The following NRG3 variants were observed in gnomAD, a reference collection of about 807,000 sequenced individuals.
The protein encoded by NRG3 is pro-neuregulin-3, membrane-bound isoform.
In NRG3, 31 loss-of-function variants were observed where a neutral mutation model predicts 66.9. The ratio of observed to expected loss-of-function variants is 0.46; its 90% confidence interval spans 0.35 to 0.63. NRG3 has a LOEUF of 0.63. Ranked by LOEUF, NRG3 falls within the 20% of genes least tolerant of loss-of-function variation. NRG3 has a pLI of 0.00. For synonymous variants in NRG3, 393 were observed against 359.4 expected (o/e 1.09, Z -1.06); for missense variants, 910 against 878.9 (o/e 1.04, Z -0.45).
At chr10:82,552,541 T>C (rs1037312915) in intron 2 of NRG3, among the ~76,000 whole-genome samples, 2 of 152,128 alleles carry the variant, frequency 1.3e-5, no homozygotes, top group African/African-American at 4.8e-5. Context: ...CTCCCAGAAG[T>C]CCTCAAAGTA....
At chr10:82,984,709 A>C in intron 8 of NRG3, 1 of 1,475,086 alleles carries the variant, frequency 6.8e-7, no homozygotes, top group Non-Finnish European at 9.3e-7. Context: ...GACTAATGCC[A>C]TTATGGGTGT....
chr10:82,896,425 C>G (rs1843668428), intron 4 of NRG3, among the ~76,000 whole-genome samples: 1 of 152,166 alleles, frequency 6.6e-6, no homozygotes, highest in African/African-American at 2.4e-5. Context: ...TCTGTAGAAT[C>G]TTTCCTGTGC....
chr10:82,107,341 G>C lies in NRG3; in HGVS notation c.823+231178G>C, dbSNP rs147475185. ...GAAAATGTAGCAACATGCTAAGGAA[G>C]TCATAAATAGGATAAATAAGATTTA... On this transcript the variant is annotated intron_variant, in intron 1 of 8. Coordinates refer to ENST00000372141, the MANE Select transcript of NRG3 (RefSeq NM_001010848.4). 2.3e-3 allele frequency among the ~76,000 whole-genome samples: 345 copies of C among 152,282 alleles called. 2 individuals carry two copies. The highest frequency in any genetic ancestry group is 8.0e-3 in the African/African-American group (334 of 41,560).
chr10:82,292,299 TAAAAAA>T (rs1175634812), intron 1 of NRG3, among the ~76,000 whole-genome samples: 1 of 150,474 alleles, frequency 6.6e-6, no homozygotes, highest in Non-Finnish European at 1.5e-5. Context: ...TGGCTAAAGT[TAAAAAA>T]AAAGAAAAAA....
At chr10:82,337,879 G>C (rs932468383) in intron 1 of NRG3, among the ~76,000 whole-genome samples, 2 of 152,062 alleles carry the variant, frequency 1.3e-5, no homozygotes, top group Admixed American at 1.3e-4. Flanking sequence ...TCATAAAAAT[G>C]AATAATAAGT....
chr10:81,930,693 G>A (rs1286616551), intron 1 of NRG3, among the ~76,000 whole-genome samples: 1 of 152,180 alleles, frequency 6.6e-6, no homozygotes, highest in African/African-American at 2.4e-5. Flanking sequence ...AAAGTGACAG[G>A]TGGGTTTTAT....
intron 1 of NRG3, among the ~76,000 whole-genome samples, chr10:82,266,647 C>A (rs1434712211): frequency 1.3e-5 from 2 of 152,140 alleles, no homozygotes; most frequent in African/African-American, 4.8e-5. Context: ...ACGGTCCAAG[C>A]TGGATGATGT....
intron 2 of NRG3, among the ~76,000 whole-genome samples, chr10:82,522,075 T>C (rs1330980395): frequency 1.4e-5 from 2 of 141,054 alleles, no homozygotes; most frequent in African/African-American, 2.6e-5. Flanking sequence ...ACAGAGTCTC[T>C]CTCTTTAGCC....
intron 1 of NRG3, among the ~76,000 whole-genome samples, chr10:82,194,009 A>G (rs1589271560): frequency 6.6e-6 from 1 of 152,164 alleles, no homozygotes. Context: ...AAAATTGAGT[A>G]ATAGCTGCTA....
At chr10:82,212,764 C>A (rs1387887504) in intron 1 of NRG3, among the ~76,000 whole-genome samples, 1 of 152,106 alleles carries the variant, frequency 6.6e-6, no homozygotes, top group African/African-American at 2.4e-5. Flanking sequence ...TGCCATTTAT[C>A]TATTTAGTAT....
At chr10:82,496,885 A>G (rs938016857) in intron 2 of NRG3, among the ~76,000 whole-genome samples, 2 of 152,226 alleles carry the variant, frequency 1.3e-5, no homozygotes, top group Non-Finnish European at 2.9e-5. Flanking sequence ...TGTTTTTAAT[A>G]CATGGTTCCA....
chr10:82,368,872 G>A (rs2084705946), intron 2 of NRG3, among the ~76,000 whole-genome samples: 1 of 138,312 alleles, frequency 7.2e-6, no homozygotes, highest in Non-Finnish European at 1.5e-5. Flanking sequence ...CAAGCTTCTT[G>A]GGTAAATATT....
chr10:82,652,366 G>A (rs746875165), intron 2 of NRG3, among the ~76,000 whole-genome samples: 7 of 152,144 alleles, frequency 4.6e-5, no homozygotes, highest in Non-Finnish European at 8.8e-5. Flanking sequence ...GATGGTAAAT[G>A]AGGGGGATTT....
chr10:82,088,460 A>G (rs1169493792), intron 1 of NRG3, among the ~76,000 whole-genome samples: 1 of 152,112 alleles, frequency 6.6e-6, no homozygotes, highest in African/African-American at 2.4e-5. Context: ...GTTTTTCTAA[A>G]TGGTGTCCAG....
chr10:82,674,664 C>T (rs893521418), intron 2 of NRG3, among the ~76,000 whole-genome samples: 1 of 152,088 alleles, frequency 6.6e-6, no homozygotes, highest in African/African-American at 2.4e-5. Context: ...TCGGGAGCAT[C>T]AGTTTCCAGG....
chr10:82,821,015 G>A (rs893745792), intron 3 of NRG3, among the ~76,000 whole-genome samples: 1 of 152,062 alleles, frequency 6.6e-6, no homozygotes, highest in Non-Finnish European at 1.5e-5. Context: ...TAATACTTTC[G>A]AAGACTGAAT....
At chr10:82,281,125 T>C (rs1360297558) in intron 1 of NRG3, among the ~76,000 whole-genome samples, 1 of 152,100 alleles carries the variant, frequency 6.6e-6, no homozygotes, top group African/African-American at 2.4e-5. Context: ...AGACTTGGAG[T>C]GACATGCTGC....
chr10:82,156,344 A>C (rs191904342), intron 1 of NRG3, among the ~76,000 whole-genome samples: 2 of 151,498 alleles, frequency 1.3e-5, no homozygotes, highest in Non-Finnish European at 3.0e-5. Context: ...CTCCTTAACA[A>C]CTGGAAGGTA....
intron 2 of NRG3, among the ~76,000 whole-genome samples, chr10:82,544,915 T>C (rs2043792633): frequency 6.6e-6 from 1 of 152,224 alleles, no homozygotes; most frequent in African/African-American, 2.4e-5. Flanking sequence ...ACCTACCAGC[T>C]TCCATTTTCA....
Sources: allele counts gnomAD v4.1 joint callset (sites outside exome capture counted in the v4.1 genomes callset), GRCh38; gene constraint gnomAD v4.1.1; transcripts MANE v1.5; gene names NCBI Gene and HGNC (gene_info 2026-07-23, HGNC 2026-07-21).